OSBPL10: variants seen among roughly 807,000 people sequenced by gnomAD.
OSBPL10 encodes the protein oxysterol-binding protein-related protein 10.
OSBPL10 carries 49 observed loss-of-function variants against 81.7 expected under a neutral mutation model. That is an observed-to-expected ratio of 0.60 (90% CI 0.48 to 0.76). The LOEUF (loss-of-function observed/expected upper bound fraction) is 0.76. Among genes scored for constraint, OSBPL10 ranks in the 30% least tolerant of loss-of-function variants. The pLI is 0.00. For synonymous variants in OSBPL10, 419 were observed against 383.6 expected, an observed-to-expected ratio of 1.09 and a Z score of -1.08; for missense variants, 923 against 987.8, an observed-to-expected ratio of 0.93 and a Z score of 0.88.
intron 1 of OSBPL10, among the ~76,000 whole-genome samples, chr3:31,936,809 T>G (rs1477247541): frequency 6.6e-6 from 1 of 152,144 alleles, no homozygotes; most frequent in East Asian, 1.9e-4. Context: ...TGCTCTACAC[T>G]GGGAAAGGCT....
At chr3:31,804,379 G>A (rs536032038) in intron 4 of OSBPL10, among the ~76,000 whole-genome samples, 2 of 152,118 alleles carry the variant, frequency 1.3e-5, no homozygotes, top group African/African-American at 4.8e-5. Context: ...CCTGCTTGAG[G>A]GCACTCAGCT....
intron 1 of OSBPL10, among the ~76,000 whole-genome samples, chr3:31,942,951 A>T (rs1367077945): frequency 6.6e-6 from 1 of 152,210 alleles, no homozygotes; most frequent in African/African-American, 2.4e-5. Flanking sequence ...ATCTATTTCC[A>T]AACCTTTTTC....
At chr3:31,822,073 A>G (rs980287631) in intron 4 of OSBPL10, 5 of 152,234 alleles carry the variant, frequency 3.3e-5, no homozygotes, top group Admixed American at 2.0e-4. Context: ...TTACATGAAG[A>G]AACATATAAA....
At chr3:31,873,433 G>A (rs989147760) in intron 3 of OSBPL10, among the ~76,000 whole-genome samples, 3 of 152,104 alleles carry the variant, frequency 2.0e-5, no homozygotes, top group Non-Finnish European at 4.4e-5. Flanking sequence ...GGCAGGTCTG[G>A]GTTTTGAAAC....
Position 32,020,436 on chromosome 3 carries a change from T to C in OSBPL10, n.298+26055A>G, listed in dbSNP as rs540405191. Among the ~76,000 whole-genome samples, 5 of 152,354 alleles carry C rather than the reference T, an allele frequency of 3.3e-5. No individual in the cohort carries two copies. In the South Asian group the frequency reaches 1.0e-3, roughly 32 times the overall value. On this transcript the variant is annotated intron_variant and non_coding_transcript_variant, in intron 2 of 3. Coordinates refer to the OSBPL10 transcript ENST00000479173. ...GCTTTTTTCATTTAGCATAATGTTT[T>C]CAAGGTTCATCTATGTTGTAGCATG...
intron 2 of OSBPL10, among the ~76,000 whole-genome samples, chr3:31,986,725 T>A (rs1698938737): frequency 1.3e-5 from 2 of 152,146 alleles, no homozygotes; most frequent in South Asian, 4.1e-4. Context: ...AAGTAAAAAC[T>A]GAAGACCAGG....
chr3:32,064,094 G>C (rs1444310978), intron 1 of OSBPL10: 1 of 92,506 alleles, frequency 1.1e-5, no homozygotes, highest in African/African-American at 2.8e-5. Flanking sequence ...CTCCCTAGTA[G>C]CTGGACCACA....
intron 2 of OSBPL10, among the ~76,000 whole-genome samples, chr3:32,044,531 C>T (rs1044605357): frequency 3.3e-5 from 5 of 151,190 alleles, no homozygotes; most frequent in Admixed American, 3.3e-4. Flanking sequence ...CACTTGAGCT[C>T]GGGAGTTAGC....
intron 5 of OSBPL10, 28 bp downstream of exon 5, chr3:31,747,882 A>AACATG: frequency 6.2e-7 from 1 of 1,608,572 alleles, no homozygotes; most frequent in Non-Finnish European, 8.5e-7. Flanking sequence ...ACTCATCCCA[A>AACATG]ACATGGACAA....
intron 1 of OSBPL10, among the ~76,000 whole-genome samples, chr3:31,923,554 C>T (rs890727384): frequency 6.6e-6 from 1 of 152,154 alleles, no homozygotes; most frequent in African/African-American, 2.4e-5. Context: ...CTTTGGGAAG[C>T]CAAGGTGGGA....
intron 3 of OSBPL10, among the ~76,000 whole-genome samples, chr3:31,850,285 G>A (rs1314742611): frequency 1.3e-5 from 2 of 152,042 alleles, no homozygotes; most frequent in East Asian, 1.9e-4. Flanking sequence ...AGTGAGCTAC[G>A]ATCATACCAC....
At chr3:31,997,256 A>T (rs1442652567) in intron 2 of OSBPL10, among the ~76,000 whole-genome samples, 1 of 151,770 alleles carries the variant, frequency 6.6e-6, no homozygotes, top group African/African-American at 2.4e-5. Flanking sequence ...AGCATTTATG[A>T]ACATCATTCT....
At chr3:31,843,508 C>T (rs1700553869) in intron 3 of OSBPL10, among the ~76,000 whole-genome samples, 2 of 152,212 alleles carry the variant, frequency 1.3e-5, no homozygotes, top group South Asian at 4.1e-4. Flanking sequence ...AAGCCTTCAT[C>T]CCTGAGGCTC....
intron 7 of OSBPL10, among the ~76,000 whole-genome samples, chr3:31,700,799 G>A: frequency 6.6e-6 from 1 of 152,196 alleles, no homozygotes; most frequent in East Asian, 1.9e-4. Context: ...TAAAAGCCAA[G>A]CACTTAAATG....
At chr3:32,047,260 G>C (rs1699631463) in intron 1 of OSBPL10, among the ~76,000 whole-genome samples, 1 of 152,056 alleles carries the variant, frequency 6.6e-6, no homozygotes, top group Admixed American at 6.5e-5. Flanking sequence ...TACAGGCTGA[G>C]CCACCATGCC....
rs1264123370 is a variant in OSBPL10 at position 31,683,850 on chromosome 3, C to T, written c.1510G>A (p.Ala504Thr). ...TGACAGCTGGCAGGAGAGCGGGAAG[C>T]AGTCCTCTTAGGCTTGACCCTGTCC... is the stretch of plus-strand genomic sequence containing the variant. ...PKDRVKPKRT[A>T]SRSPASCHEH... Residue 504 changes from alanine (A) to threonine (T), a missense_variant, in exon 8 of 12, where the codon GCT becomes ACT. Coordinates refer to ENST00000396556, the MANE Select transcript of OSBPL10 (RefSeq NM_017784.5). The T allele has an allele frequency of 4.3e-6, 7 of 1,614,254 alleles. No individual in the cohort carries two copies. Among genetic ancestry groups the T allele is most frequent in the Non-Finnish European group, 5.9e-6 (7 of 1,180,056 alleles).
intron 2 of OSBPL10, among the ~76,000 whole-genome samples, chr3:32,034,418 G>T (rs975743953): frequency 6.8e-6 from 1 of 147,092 alleles, no homozygotes; most frequent in African/African-American, 2.5e-5. Flanking sequence ...TCCAGCCTCG[G>T]TGACAGAGCG....
intron 4 of OSBPL10, among the ~76,000 whole-genome samples, chr3:31,815,233 G>A (rs984914460): frequency 6.7e-6 from 1 of 150,106 alleles, no homozygotes; most frequent in African/African-American, 2.5e-5. Flanking sequence ...TGCTCTTCCC[G>A]CCCCCCAATA....
At chr3:31,822,833 A>C (rs747458080) in intron 4 of OSBPL10, among the ~76,000 whole-genome samples, 2 of 146,538 alleles carry the variant, frequency 1.4e-5, no homozygotes, top group African/African-American at 2.5e-5. Context: ...AGGATTGCTT[A>C]AGCCCAGGAG....
Sources: allele counts gnomAD v4.1 joint callset (sites outside exome capture counted in the v4.1 genomes callset), GRCh38; gene constraint gnomAD v4.1.1; transcripts MANE v1.5; gene names NCBI Gene and HGNC (gene_info 2026-07-23, HGNC 2026-07-21).